MYO16: variants seen among roughly 807,000 people sequenced by gnomAD.
MYO16 encodes the protein unconventional myosin-XVI.
Under a neutral mutation model 205.3 loss-of-function variants are expected in MYO16, and 94 were observed. That is an observed-to-expected ratio of 0.46 (90% confidence interval 0.39 to 0.54). The LOEUF (loss-of-function observed/expected upper bound fraction) is 0.54, where lower values mean the gene tolerates loss of function less well. Among genes scored for constraint, MYO16 ranks in the 20% least tolerant of loss-of-function variants. MYO16 has a pLI of 0.00. For synonymous variants in MYO16, 988 were observed against 954.0 expected (o/e 1.04, Z -0.66); for missense variants, 2,315 against 2,387.5 (o/e 0.97, Z 0.63).
At chr13:108,750,648 AAAAAGAAAATT>A (rs1288554512) in intron 4 of MYO16, among the ~76,000 whole-genome samples, 4 of 151,796 alleles carry the variant, frequency 2.6e-5, no homozygotes, top group Non-Finnish European at 4.4e-5. Context: ...AAGAAAAGAA[AAAAAGAAAATT>A]AGCCAAGCGT....
At chr13:108,629,061 G>A (rs1249982130), upstream of MYO16, among the ~76,000 whole-genome samples, 2 of 152,112 alleles carry the variant, frequency 1.3e-5, no homozygotes, top group Non-Finnish European at 2.9e-5. Context: ...ATCCAGTTGG[G>A]TTGTACAGTT....
chr13:108,659,198 A>ATG (rs199588624), intron 1 of MYO16, among the ~76,000 whole-genome samples: 3,824 of 146,860 alleles, frequency 0.026, 180 homozygotes, highest in Admixed American at 0.13. Context: ...GTGTATATAT[A>ATG]TGTGTGTGTG....
intron 2 of MYO16, among the ~76,000 whole-genome samples, chr13:108,683,650 T>A (rs1882554433): frequency 6.6e-6 from 1 of 152,188 alleles, no homozygotes; most frequent in Admixed American, 6.5e-5. Flanking sequence ...TCCTTCTCAA[T>A]TGAAAATTAT....
chr13:109,146,445 G>T (rs749611606), intron 32 of MYO16, among the ~76,000 whole-genome samples: 1 of 151,912 alleles, frequency 6.6e-6, no homozygotes, highest in Non-Finnish European at 1.5e-5. Context: ...CTCTACTCCT[G>T]CCCATTTCCC....
chr13:108,910,394 A>G (rs1881200597), intron 16 of MYO16, among the ~76,000 whole-genome samples: 1 of 152,114 alleles, frequency 6.6e-6, no homozygotes, highest in African/African-American at 2.4e-5. Flanking sequence ...ACTTGTGCAG[A>G]TATAAACTCC....
intron 33 of MYO16, among the ~76,000 whole-genome samples, chr13:109,171,704 TA>T (rs1347910915): frequency 6.6e-6 from 1 of 152,228 alleles, no homozygotes; most frequent in Non-Finnish European, 1.5e-5. Context: ...ATTGTGAACA[TA>T]AAGATGTTTA....
At chr13:108,693,810 G>T (rs1266095188) in intron 2 of MYO16, among the ~76,000 whole-genome samples, 1 of 152,110 alleles carries the variant, frequency 6.6e-6, no homozygotes, top group Non-Finnish European at 1.5e-5. Context: ...CACCATCCAG[G>T]TATAAAGCCT....
the MYO16 span, among the ~76,000 whole-genome samples, chr13:108,576,228 A>T: frequency 6.6e-6 from 1 of 152,338 alleles, no homozygotes; most frequent in Non-Finnish European, 1.5e-5. Context: ...GAAATTCTGC[A>T]TATTGGACCT....
rs1285745298 is a variant in MYO16 at position 109,162,684 on chromosome 13, A to G, written c.5165-2217A>G. ...TACCAGGCAGTGGTATTCATTATGT[A>G]TCTCCCGCACTCAGTGAGTATCTGG... On this transcript the variant is annotated intron_variant, in intron 32 of 34. Transcript: ENST00000457511. The surrounding 1 kb of genome is among the most constrained non-coding windows in gnomAD (Gnocchi z 4.6). Among the ~76,000 whole-genome samples, 1 of 152,150 alleles carries G rather than the reference A, an allele frequency of 6.6e-6. No individual in the cohort carries two copies. The highest frequency in any genetic ancestry group is 1.5e-5 in the Non-Finnish European group (1 of 68,032).
chr13:108,667,231 T>C (rs988593382), intron 2 of MYO16, among the ~76,000 whole-genome samples: 3 of 152,102 alleles, frequency 2.0e-5, no homozygotes, highest in African/African-American at 7.2e-5. Flanking sequence ...ATAATAGTTA[T>C]ACATGGTAAG....
the MYO16 span, among the ~76,000 whole-genome samples, chr13:108,584,413 A>G: frequency 6.6e-6 from 1 of 152,204 alleles, no homozygotes; most frequent in African/African-American, 2.4e-5. Context: ...ACATGCATGC[A>G]ATGTGTAATC....
chr13:108,841,687 A>G (rs1325490702), intron 9 of MYO16, among the ~76,000 whole-genome samples: 1 of 152,190 alleles, frequency 6.6e-6, no homozygotes, highest in Non-Finnish European at 1.5e-5. Flanking sequence ...AGAAACCAAT[A>G]TAAATAGTCA....
intron 9 of MYO16, among the ~76,000 whole-genome samples, chr13:108,839,522 T>A (rs140705841): frequency 2.7e-3 from 413 of 152,324 alleles, no homozygotes; most frequent in Non-Finnish European, 4.7e-3. Context: ...GCAAGGCATA[T>A]GTAGATAGCT....
chr13:108,888,430 T>A lies in MYO16; in HGVS notation c.1612T>A (p.Cys538Ser). 6.2e-7 allele frequency: 1 copy of A among 1,612,394 alleles called. No homozygotes were observed. Among genetic ancestry groups the A allele is most frequent in the Non-Finnish European group, 8.5e-7 (1 of 1,179,412 alleles). ...ASKQIIRHLT[C>S]RAGASRATLD... ...CAAACAAATCATAAGACACCTCACCTGCAGGGCTGGCGCCAGCAGGGCCAC... is the reference window on the plus strand; with the variant it reads ...CAAACAAATCATAAGACACCTCACCAGCAGGGCTGGCGCCAGCAGGGCCAC... The change falls in exon 14 of 35, where the codon TGC (cysteine) becomes AGC (serine). Residue 538 changes from cysteine to serine, a missense_variant. By Grantham distance (112) the Cys-to-Ser change is moderately radical. Coordinates refer to ENST00000457511, the MANE Select transcript of MYO16 (RefSeq NM_001198950.3).
intron 9 of MYO16, among the ~76,000 whole-genome samples, chr13:108,835,271 G>A (rs1876848741): frequency 6.6e-6 from 1 of 152,066 alleles, no homozygotes; most frequent in Admixed American, 6.6e-5. Context: ...GTTCTCACAA[G>A]ATCTGATGGT....
rs188327446 is a variant in MYO16, at chr13:109,014,892, A to G, written c.2596-4819A>G. The stretch of plus-strand genomic sequence containing the variant: ...AGATGATGGGGTTTTCAAATATACA[A>G]TCATGTCATCTGCAAACAGGGACAC... On this transcript the variant is annotated intron_variant, in intron 22 of 34. Transcript: ENST00000457511. Among the ~76,000 whole-genome samples the G allele has an allele frequency of 2.6e-4, 40 of 152,338 alleles. No individual in the cohort carries two copies. In the Middle Eastern group the frequency reaches 0.014, roughly 52 times the overall value.
At chr13:108,539,106 T>G in the MYO16 span, among the ~76,000 whole-genome samples, 1 of 152,130 alleles carries the variant, frequency 6.6e-6, no homozygotes, top group Non-Finnish European at 1.5e-5. Context: ...CCTGAGTTGT[T>G]ATTTATCGGA....
chr13:108,592,844 G>T (rs1297834605), upstream of MYO16, among the ~76,000 whole-genome samples: 8 of 151,590 alleles, frequency 5.3e-5, no homozygotes, highest in African/African-American at 1.9e-4. Flanking sequence ...GACAATTATT[G>T]CTTTCTAATT....
chr13:109,168,740 A>G (rs1009814530), intron 33 of MYO16, among the ~76,000 whole-genome samples: 1 of 152,180 alleles, frequency 6.6e-6, no homozygotes, highest in African/African-American at 2.4e-5. Context: ...ATAAGATAAA[A>G]TAAAATCTCT....
Sources: allele counts gnomAD v4.1 joint callset (sites outside exome capture counted in the v4.1 genomes callset), GRCh38; gene constraint gnomAD v4.1.1; non-coding constraint Gnocchi (gnomAD v3.1); transcripts MANE v1.5; gene names NCBI Gene and HGNC (gene_info 2026-07-23, HGNC 2026-07-21).